Variants in HNRNPH1 observed in about 807,000 individuals in gnomAD.
The protein encoded by HNRNPH1 is heterogeneous nuclear ribonucleoprotein H.
A neutral mutation model predicts 58.6 loss-of-function variants in HNRNPH1; 4 were observed. The ratio of observed to expected loss-of-function variants is 0.07; its 90% CI spans 0.03 to 0.16. The LOEUF (loss-of-function observed/expected upper bound fraction) is 0.16, where lower values mean the gene tolerates loss of function less well. Ranked by LOEUF, HNRNPH1 falls within the 10% of genes least tolerant of loss-of-function variation. The pLI is 1.00. For missense variants in HNRNPH1, 271 were observed against 564.2 expected, an observed-to-expected ratio of 0.48 and a Z score of 5.26; for synonymous variants, 192 against 189.2, an observed-to-expected ratio of 1.01 and a Z score of -0.12.
chr5:179,626,845 C>T (rs1169483737), upstream of HNRNPH1, among the ~76,000 whole-genome samples: 9 of 150,518 alleles, frequency 6.0e-5, no homozygotes, highest in African/African-American at 9.8e-5. Flanking sequence ...GCGCGATCTC[C>T]GCTCACTGCA....
intron 4 of HNRNPH1, 133 bp downstream of exon 5, chr5:179,619,130 ACACAAG>A: frequency 1.3e-6 from 1 of 754,256 alleles, no homozygotes; most frequent in Non-Finnish European, 2.1e-6. Flanking sequence ...CGTGGGACTG[ACACAAG>A]TTTGGAAATC....
chr5:179,618,388 G>C lies in HNRNPH1; in HGVS notation c.537-65C>G. ...GAAAACATTAGTTCATTTTATACAG[G>C]TATTTAGTTATACAAGAAAACAATC... is the stretch of plus-strand genomic sequence containing the variant. On this transcript the variant is annotated intron_variant, in intron 4 of 12. Transcript: ENST00000356731. The C allele has an allele frequency of 3.6e-6, 4 of 1,100,070 alleles. No individual in the cohort carries two copies. The South Asian group carries it at 4.6e-5, about 13-fold the overall frequency. The allele number at this position is 1,100,070 out of a possible 1,614,324, so 68.1% of individuals were successfully genotyped here.
At chr5:179,615,361 C>A in intron 12 of HNRNPH1, 185 bp downstream of exon 13, 1 of 503,520 alleles carries the variant, frequency 2.0e-6, no homozygotes, top group Non-Finnish European at 3.6e-6. Flanking sequence ...CAGGGGAAGT[C>A]TCTTGCTTTT....
At chr5:179,625,487 CAAAAAA>C (rs36011321), upstream of HNRNPH1, among the ~76,000 whole-genome samples, 1 of 86,320 alleles carries the variant, frequency 1.2e-5, no homozygotes, top group Non-Finnish European at 2.3e-5. Flanking sequence ...GACTCCCTCT[CAAAAAA>C]AAAAAAAAAA....
Position 179,618,255 on chromosome 5 carries a change from A to AT in HNRNPH1, c.604dup (p.Met202AsnfsTer10). 6.2e-7 allele frequency: 1 copy of AT among 1,614,202 alleles called. No homozygotes were observed. The highest frequency in any genetic ancestry group is 8.5e-7 in the Non-Finnish European group (1 of 1,179,998). ...ATAAGGACCTGGCCGCTGCATGGCC[A>AT]TAAGCTTTCGTGGTGGATCATAATG... On this transcript the variant is annotated frameshift_variant, in exon 5 of 13. Transcript: ENST00000356731. LOFTEE classifies it high-confidence loss of function.
At chr5:179,629,596 G>T (rs886552441), upstream of HNRNPH1, among the ~76,000 whole-genome samples, 1 of 152,090 alleles carries the variant, frequency 6.6e-6, no homozygotes, top group Non-Finnish European at 1.5e-5. Flanking sequence ...GAATTTGTTC[G>T]TAGTAGTACA....
At chr5:179,619,605 C>T (rs898806475) in intron 3 of HNRNPH1, 198 bp from the exon 5 acceptor site, 14 of 480,680 alleles carry the variant, frequency 2.9e-5, no homozygotes, top group Non-Finnish European at 4.4e-5. Flanking sequence ...TCTTAACACA[C>T]CCATGGTACA....
At chr5:179,632,071 CCGAGGCGGG>C (rs377334298) in intron 2 of HNRNPH1, among the ~76,000 whole-genome samples, 11,126 of 151,794 alleles carry the variant, frequency 0.073, 548 homozygotes, top group Non-Finnish European at 0.099. Flanking sequence ...CTTTGGGAGG[CCGAGGCGGG>C]CGGATCACGA....
chr5:179,624,373 G>A, exon 1 of HNRNPH1: 1 of 396,446 alleles, frequency 2.5e-6, no homozygotes, highest in Non-Finnish European at 4.4e-6. Context: ...CCTGTGGCTC[G>A]CGCCTGTACC....
chr5:179,633,243 A>G (rs1774993023), intron 2 of HNRNPH1, among the ~76,000 whole-genome samples: 1 of 151,730 alleles, frequency 6.6e-6, no homozygotes, highest in African/African-American at 2.4e-5. Flanking sequence ...CCGCCGCCTC[A>G]GCCTCCCGAA....
intron 1 of HNRNPH1, chr5:179,621,676 CAT>C (rs1219183229): frequency 6.4e-5 from 29 of 454,562 alleles, no homozygotes; most frequent in African/African-American, 5.3e-4. Flanking sequence ...CTACATCACA[CAT>C]CTTTTATCAA....
At chr5:179,624,335 G>C (rs925703277) in exon 1 of HNRNPH1, 2 of 395,074 alleles carry the variant, frequency 5.1e-6, no homozygotes, top group Non-Finnish European at 8.9e-6. Context: ...GTCGGGCCTA[G>C]GGCCCCGGTC....
intron 2 of HNRNPH1, among the ~76,000 whole-genome samples, chr5:179,629,992 C>G (rs890687755): frequency 1.3e-5 from 2 of 151,894 alleles, no homozygotes; most frequent in Non-Finnish European, 2.9e-5. Context: ...CCACTACACT[C>G]GAGCCTCGGT....
intron 11 of HNRNPH1, 71 bp downstream of exon 12, chr5:179,616,055 C>T: frequency 1.5e-6 from 2 of 1,321,864 alleles, no homozygotes; most frequent in Non-Finnish European, 1.1e-6. Flanking sequence ...TTTACCATAA[C>T]TTACTCTAAG....
At chr5:179,632,024 C>G (rs1446742011) in intron 2 of HNRNPH1, among the ~76,000 whole-genome samples, 1 of 152,046 alleles carries the variant, frequency 6.6e-6, no homozygotes, top group Non-Finnish European at 1.5e-5. Flanking sequence ...AAGGGCGTCT[C>G]GGCCGGGCGC....
exon 3 of HNRNPH1, chr5:179,621,024 T>C (rs1201964857): frequency 1.9e-6 from 3 of 1,613,546 alleles, no homozygotes; most frequent in Admixed American, 1.7e-5. Context: ...TCAACGTTGT[T>C]TGACTTGAAT....
At chr5:179,625,774 A>ATTTT (rs1289064921), upstream of HNRNPH1, among the ~76,000 whole-genome samples, 1 of 118,060 alleles carries the variant, frequency 8.5e-6, no homozygotes, top group African/African-American at 3.2e-5. Flanking sequence ...TTAAATTTTT[A>ATTTT]TTTTTTATTT....
chr5:179,624,792 C>G (rs1774202462), upstream of HNRNPH1: 1 of 390,770 alleles, frequency 2.6e-6, no homozygotes, highest in Non-Finnish European at 4.5e-6. Context: ...GTGCTGGACC[C>G]TGCCGCAGAG....
chr5:179,620,578 C>T (rs1771872146), intron 3 of HNRNPH1: 4 of 264,446 alleles, frequency 1.5e-5, no homozygotes, highest in Admixed American at 4.8e-5. Context: ...GTAAAGGGAT[C>T]TTACCTTTAA....
Sources: gnomAD v4.1 joint callset for allele counts (sites outside exome capture counted in the v4.1 genomes callset) on GRCh38, gnomAD v4.1.1 for gene constraint, MANE v1.5 for transcripts, NCBI Gene and HGNC (gene_info 2026-07-23, HGNC 2026-07-21) for gene names.